The following RCC1L variants were observed in gnomAD, a reference collection of about 807,000 sequenced individuals.
RCC1L encodes RCC1-like G exchanging factor-like protein.
A neutral mutation model predicts 58.6 loss-of-function variants in RCC1L; 46 were observed. The ratio of observed to expected loss-of-function variants is 0.79; its 90% CI spans 0.62 to 1.00. The LOEUF is 1.00. RCC1L is among the 50% of genes least tolerant of loss of function. RCC1L has a pLI of 0.00. For synonymous variants in RCC1L, 281 were observed against 262.9 expected (o/e 1.07, Z -0.67); for missense variants, 636 against 623.6 (o/e 1.02, Z -0.21).
At chr7:75,070,122 C>T (rs150482696) in intron 2 of RCC1L, among the ~76,000 whole-genome samples, 23 of 152,306 alleles carry the variant, frequency 1.5e-4, no homozygotes, top group African/African-American at 5.3e-4. Flanking sequence ...CTTTACTTAT[C>T]TGCAAATGCC....
chr7:75,058,822 A>G (rs1212851339), intron 6 of RCC1L, 53 bp from the exon 7 acceptor site: 1 of 1,606,930 alleles, frequency 6.2e-7, no homozygotes, highest in South Asian at 1.1e-5. Context: ...TAACAAACAC[A>G]TAGGCAGACT....
At chr7:75,047,738 C>G (rs1805771641) in intron 10 of RCC1L, among the ~76,000 whole-genome samples, 1 of 151,450 alleles carries the variant, frequency 6.6e-6, no homozygotes. Context: ...ACCTCCGCCT[C>G]CTAGGTTCAA....
chr7:75,058,254 C>T (rs1354981341), intron 7 of RCC1L: 10 of 324,222 alleles, frequency 3.1e-5, no homozygotes, highest in African/African-American at 1.8e-4. Flanking sequence ...TCTTTTTTTT[C>T]GAGACAGAGT....
At chr7:75,064,322 C>T (rs1024258419) in intron 4 of RCC1L, among the ~76,000 whole-genome samples, 177 of 95,314 alleles carry the variant, frequency 1.9e-3, no homozygotes, top group African/African-American at 7.3e-3. Flanking sequence ...GAGCAAGAGT[C>T]CATCTCAAAA....
intron 8 of RCC1L, chr7:75,056,481 T>G (rs375280648): frequency 1.4e-6 from 2 of 1,465,150 alleles, no homozygotes; most frequent in African/African-American, 2.8e-5. Context: ...CAACAATGTC[T>G]GGCCAGATTC....
chr7:75,067,495 G>A (rs1413884558), intron 2 of RCC1L, among the ~76,000 whole-genome samples: 1 of 151,924 alleles, frequency 6.6e-6, no homozygotes, highest in Non-Finnish European at 1.5e-5. Flanking sequence ...CAGACGTGAT[G>A]GTGGACGCCT....
At chr7:75,055,815 T>C (rs2131992023) in intron 9 of RCC1L, 86 bp downstream of exon 9, 1 of 1,530,084 alleles carries the variant, frequency 6.5e-7, no homozygotes, top group African/African-American at 1.4e-5. Flanking sequence ...GGGTGGAACC[T>C]GAGAGCTGCC....
At chr7:75,047,821 AT>A (rs1240268287) in intron 10 of RCC1L, among the ~76,000 whole-genome samples, 1 of 150,436 alleles carries the variant, frequency 6.6e-6, no homozygotes, top group Admixed American at 6.6e-5. Flanking sequence ...TAATTTTTGT[AT>A]TTTTAGTAGA....
rs1017413017 is a variant in RCC1L at position 75,031,637 on chromosome 7, C to T, written c.1318-3558G>A. On this transcript the variant is annotated intron_variant, in intron 10 of 10. Transcript: ENST00000614461. The stretch of plus-strand genomic sequence containing the variant: ...GGGAACACAGGCCAGGGGCTAGAGG[C>T]GGGTAGAAAAACACCCAGAATTTGA... Among the ~76,000 whole-genome samples the T allele has an allele frequency of 4.3e-4, 66 of 152,088 alleles. No individual in the cohort carries two copies. In the East Asian group the frequency reaches 8.1e-3, roughly 19 times the overall value.
intron 6 of RCC1L, among the ~76,000 whole-genome samples, chr7:75,060,427 C>T (rs1806236479): frequency 6.6e-6 from 1 of 152,122 alleles, no homozygotes; most frequent in Non-Finnish European, 1.5e-5. Flanking sequence ...CTTTTCTCTG[C>T]AGTTTGTGTT....
chr7:75,057,540 G>A lies in RCC1L; in HGVS notation c.1046C>T (p.Ala349Val), dbSNP rs1806119844. The A allele has an allele frequency of 6.2e-7, 1 of 1,613,752 alleles. No homozygotes were observed. Among genetic ancestry groups the A allele is most frequent in the East Asian group, 2.2e-5 (1 of 44,890 alleles). The change falls in exon 8 of 11, where the codon GCA (alanine) becomes GTA (valine). Residue 349 changes from alanine (A) to valine (V), a missense_variant. By Grantham distance (64) the Ala-to-Val change is moderately conservative. Coordinates refer to ENST00000610322, the MANE Select transcript of RCC1L (RefSeq NM_030798.5). The stretch of plus-strand genomic sequence containing the variant: ...AAAGAAGGTCTCACCGTTTAACACT[G>A]CACAGCCCGTGCCACCGCATGCAGC... ...RQAACGGTGC[A>V]VLNGEGHVFV...
rs1481164688 is a variant in RCC1L at position 75,056,748 on chromosome 7, C to T, written c.1058-674G>A. The T allele has an allele frequency of 5.9e-6, 9 of 1,533,298 alleles. No individual in the cohort carries two copies. In the East Asian group the frequency reaches 1.7e-4, roughly 29 times the overall value. The allele number at this position is 1,533,298 out of a possible 1,614,324, so 95.0% of individuals were successfully genotyped here. On this transcript the variant is annotated intron_variant, in intron 8 of 10. Transcript: ENST00000610322. ...ATCTACAGATAAATCGCAGACTATT[C>T]GCTTTTTGTTAAGAACTTCATTCAC...
rs376274650 is a variant in RCC1L at position 75,070,186 on chromosome 7, A to G, written c.454+454T>C. ...ACATTGTTACCAAAGAGGCTAAAAA[A>G]TAACCTAGCCCAGATGGTTTCAAAC... On this transcript the variant is annotated intron_variant, in intron 2 of 10. Transcript: ENST00000610322. Among the ~76,000 whole-genome samples the G allele has an allele frequency of 9.8e-4, 150 of 152,310 alleles. 2 individuals are homozygous for G. In the South Asian group the frequency reaches 0.031, roughly 31 times the overall value.
intron 10 of RCC1L, among the ~76,000 whole-genome samples, chr7:75,034,895 C>A (rs1323917516): frequency 2.0e-5 from 3 of 152,110 alleles, no homozygotes; most frequent in African/African-American, 7.2e-5. Flanking sequence ...CTCAAGTGAT[C>A]CTCCCACCCC....
At chr7:75,056,848 T>A in intron 8 of RCC1L, 3 of 977,186 alleles carry the variant, frequency 3.1e-6, no homozygotes, top group Non-Finnish European at 4.7e-6. Flanking sequence ...AAACAGGGTC[T>A]CACCGTGTTG....
At chr7:75,050,814 G>A (rs998374717) in intron 10 of RCC1L, among the ~76,000 whole-genome samples, 8 of 152,196 alleles carry the variant, frequency 5.3e-5, no homozygotes, top group Middle Eastern at 3.4e-3. Context: ...AAAGTCGCCC[G>A]GGCGTGATGG....
intron 1 of RCC1L, among the ~76,000 whole-genome samples, chr7:75,072,191 TGGAGAG>T (rs1806785476): frequency 7.7e-5 from 6 of 77,530 alleles, no homozygotes; most frequent in East Asian, 2.9e-4. Context: ...TATATATATA[TGGAGAG>T]AGAGAGAGAC....
intron 10 of RCC1L, among the ~76,000 whole-genome samples, chr7:75,036,950 G>C (rs1805441396): frequency 1.3e-5 from 2 of 151,996 alleles, no homozygotes; most frequent in African/African-American, 2.4e-5. Flanking sequence ...ATCAACTGCT[G>C]GAGTTGTGGA....
At chr7:75,062,495 G>A (rs972690807) in intron 5 of RCC1L, among the ~76,000 whole-genome samples, 6 of 152,138 alleles carry the variant, frequency 3.9e-5, no homozygotes, top group South Asian at 2.1e-4. Context: ...GCAACAGAAT[G>A]AGACCCTGCC....
Sources: gnomAD v4.1 joint callset for allele counts (sites outside exome capture counted in the v4.1 genomes callset) on GRCh38, gnomAD v4.1.1 for gene constraint, MANE v1.5 for transcripts, NCBI Gene and HGNC (gene_info 2026-07-23, HGNC 2026-07-21) for gene names.